The following CDH18 variants were observed in gnomAD, a reference collection of about 807,000 sequenced individuals.
The protein encoded by CDH18 is cadherin 18, also known as cadherin-18.
In CDH18, 31 loss-of-function variants were observed where a neutral mutation model predicts 67.9. That is an observed-to-expected ratio of 0.46 (90% CI 0.34 to 0.62). The LOEUF is 0.62. Among genes scored for constraint, CDH18 ranks in the 20% least tolerant of loss-of-function variants. The probability of loss-of-function intolerance (pLI) is 0.01; values close to 1 mark genes in which losing one functional copy is unlikely to be tolerated. For synonymous variants in CDH18, 362 were observed against 347.2 expected, an observed-to-expected ratio of 1.04 and a Z score of -0.48; for missense variants, 890 against 975.5, an observed-to-expected ratio of 0.91 and a Z score of 1.17.
chr5:19,903,617 CTT>C (rs59678864), intron 2 of CDH18, among the ~76,000 whole-genome samples: 24,071 of 87,354 alleles, frequency 0.28, 2,432 homozygotes, highest in Non-Finnish European at 0.31. Context: ...AGCAAAGTGG[CTT>C]TTTTTTTTTT....
intron 5 of CDH18, among the ~76,000 whole-genome samples, chr5:19,719,935 A>AAGAAAGAAAGAG (rs1398233345): frequency 5.3e-5 from 8 of 151,366 alleles, no homozygotes; most frequent in Non-Finnish European, 1.0e-4. Flanking sequence ...GAAAGAAAGA[A>AAGAAAGAAAGAG]AGAAAGAAAG....
At chr5:19,727,007 C>T (rs545777191) in intron 4 of CDH18, among the ~76,000 whole-genome samples, 389 of 152,282 alleles carry the variant, frequency 2.6e-3, no homozygotes, top group Non-Finnish European at 4.7e-3. Flanking sequence ...ATGGAATCTT[C>T]TTGCACCTTG....
At chr5:19,654,505 A>C (rs1756048532) in intron 5 of CDH18, among the ~76,000 whole-genome samples, 1 of 152,102 alleles carries the variant, frequency 6.6e-6, no homozygotes, top group East Asian at 1.9e-4. Context: ...CCCTTACAGG[A>C]GAGGGAGCAC....
chr5:20,449,617 G>T (rs1361445757), intron 1 of CDH18, among the ~76,000 whole-genome samples: 1 of 151,766 alleles, frequency 6.6e-6, no homozygotes, highest in East Asian at 1.9e-4. Flanking sequence ...CTTTTTAAAG[G>T]AAGAAAGAAT....
intron 3 of CDH18, among the ~76,000 whole-genome samples, chr5:19,786,055 G>A (rs1775745489): frequency 6.6e-6 from 1 of 151,806 alleles, no homozygotes; most frequent in Non-Finnish European, 1.5e-5. Context: ...TGGTACAAAA[G>A]GTGATTTACA....
chr5:19,514,713 T>A (rs1357812808), intron 10 of CDH18, among the ~76,000 whole-genome samples: 2 of 152,238 alleles, frequency 1.3e-5, no homozygotes, highest in Admixed American at 1.3e-4. Context: ...TTCTTGTACA[T>A]TTGTTTAAGT....
intron 5 of CDH18, among the ~76,000 whole-genome samples, chr5:19,695,369 C>G (rs917760885): frequency 6.6e-5 from 10 of 152,108 alleles, no homozygotes; most frequent in Non-Finnish European, 1.2e-4. Flanking sequence ...AGTGTTAAAT[C>G]TAAGGATGCA....
intron 1 of CDH18, among the ~76,000 whole-genome samples, chr5:20,524,612 A>C (rs1390620600): frequency 6.6e-6 from 1 of 152,194 alleles, no homozygotes; most frequent in African/African-American, 2.4e-5. Context: ...ATATCAATAT[A>C]TCTGCATTTA....
intron 2 of CDH18, among the ~76,000 whole-genome samples, chr5:20,192,634 C>T (rs1738636256): frequency 6.6e-6 from 1 of 152,030 alleles, no homozygotes; most frequent in Non-Finnish European, 1.5e-5. Flanking sequence ...CTGTTTTTGT[C>T]AGGTTTGTCA....
chr5:19,534,381 A>G (rs903117631), intron 9 of CDH18, among the ~76,000 whole-genome samples: 2 of 152,156 alleles, frequency 1.3e-5, no homozygotes, highest in African/African-American at 4.8e-5. Context: ...AGAATGCATG[A>G]ACCCAACTTT....
chr5:20,558,550 G>A (rs1462289337), intron 1 of CDH18, among the ~76,000 whole-genome samples: 1 of 152,060 alleles, frequency 6.6e-6, no homozygotes, highest in African/African-American at 2.4e-5. Context: ...AGAGTAAAAT[G>A]TCTGGTGGTT....
intron 1 of CDH18, among the ~76,000 whole-genome samples, chr5:20,515,047 A>C (rs1418985220): frequency 6.7e-6 from 1 of 150,096 alleles, no homozygotes; most frequent in Non-Finnish European, 1.5e-5. Context: ...AACATCAATA[A>C]GAGAAACAGC....
At chr5:20,174,032 G>T (rs990673585) in intron 2 of CDH18, among the ~76,000 whole-genome samples, 5 of 152,082 alleles carry the variant, frequency 3.3e-5, no homozygotes, top group African/African-American at 9.7e-5. Context: ...TAATGTAATA[G>T]AATTTATTTT....
intron 5 of CDH18, among the ~76,000 whole-genome samples, chr5:19,614,845 T>C (rs1313087803): frequency 6.6e-6 from 1 of 152,100 alleles, no homozygotes; most frequent in Non-Finnish European, 1.5e-5. Flanking sequence ...GTCTCGGGAT[T>C]AATTTAAAAT....
At chr5:20,057,111 T>C (rs1742059226) in intron 2 of CDH18, among the ~76,000 whole-genome samples, 1 of 152,178 alleles carries the variant, frequency 6.6e-6, no homozygotes, top group African/African-American at 2.4e-5. Flanking sequence ...AAGGCACAAT[T>C]TGTCTTGTTA....
At position 20,300,305 on chromosome 5, in the gene CDH18, T is replaced by C. The variant is rs1320124630; in HGVS notation, c.-579-44800A>G. 2.4e-4 allele frequency among the ~76,000 whole-genome samples: 10 copies of C among 41,264 alleles called. No individual in the cohort carries two copies. In the East Asian group the frequency reaches 3.8e-3, roughly 16 times the overall value. 27.1% of individuals were successfully genotyped at this position (41,264 alleles called of 152,430 possible). On this transcript the variant is annotated intron_variant, in intron 1 of 14. Transcript: ENST00000507958. Reference sequence around the variant, plus strand: ...ACATAGATTAAGTTGTGTGTGTGCGTGTGTGTGTGTGTGTGTGTGTGTGTG... The same window carrying C: ...ACATAGATTAAGTTGTGTGTGTGCGCGTGTGTGTGTGTGTGTGTGTGTGTG...
At chr5:20,176,347 T>G (rs886927258) in intron 2 of CDH18, among the ~76,000 whole-genome samples, 1 of 152,192 alleles carries the variant, frequency 6.6e-6, no homozygotes, top group Non-Finnish European at 1.5e-5. Flanking sequence ...TTTCTTGTAT[T>G]TAATGACAAA....
chr5:20,443,209 C>CAAAAAAAAA (rs72353299), intron 1 of CDH18, among the ~76,000 whole-genome samples: 10 of 77,516 alleles, frequency 1.3e-4, no homozygotes, highest in Non-Finnish European at 2.0e-4. Context: ...GACTCCGTCA[C>CAAAAAAAAA]AAAAAAAAAA....
chr5:20,031,897 A>T (rs978705114), intron 2 of CDH18, among the ~76,000 whole-genome samples: 1 of 151,998 alleles, frequency 6.6e-6, no homozygotes, highest in African/African-American at 2.4e-5. Flanking sequence ...TGGACAATCA[A>T]GGCTCATCCA....
Sources: allele counts gnomAD v4.1 joint callset (sites outside exome capture counted in the v4.1 genomes callset), GRCh38; gene constraint gnomAD v4.1.1; transcripts MANE v1.5; gene names NCBI Gene and HGNC (gene_info 2026-07-23, HGNC 2026-07-21).